The following FPGS variants were observed in gnomAD, a reference collection of about 807,000 sequenced individuals.
FPGS encodes the protein folylpolyglutamate synthase.
A neutral mutation model predicts 66.5 loss-of-function variants in FPGS; 53 were observed. That is an observed-to-expected ratio of 0.80 (90% CI 0.64 to 1.00). The LOEUF (loss-of-function observed/expected upper bound fraction) is 1.00. Ranked by LOEUF, FPGS falls within the 50% of genes least tolerant of loss-of-function variation. The probability of loss-of-function intolerance (pLI) is 0.00; values close to 1 mark genes in which losing one functional copy is unlikely to be tolerated. For synonymous variants in FPGS, 348 were observed against 350.9 expected, an observed-to-expected ratio of 0.99 and a Z score of 0.09; for missense variants, 702 against 807.7, an observed-to-expected ratio of 0.87 and a Z score of 1.59.
chr9:127,814,175 T>C, downstream of FPGS: 1 of 985,628 alleles, frequency 1.0e-6, no homozygotes, highest in Non-Finnish European at 1.2e-6. Flanking sequence ...CTGTGTGGCC[T>C]GGAACAAGTC....
chr9:127,809,910 G>C, intron 12 of FPGS, 76 bp downstream of exon 12: 1 of 994,692 alleles, frequency 1.0e-6, no homozygotes, highest in South Asian at 1.4e-5. Flanking sequence ...GGCGGGGCGG[G>C]GTCGTGGGGA....
At chr9:127,803,172 G>T (rs1363684420) in intron 1 of FPGS, 110 bp downstream of exon 1, 22 of 1,242,468 alleles carry the variant, frequency 1.8e-5, no homozygotes, top group Non-Finnish European at 2.2e-5. Flanking sequence ...GGGAGCCCTG[G>T]ACTGGGGGAC....
chr9:127,809,921 A>G (rs1829993901), intron 12 of FPGS, 87 bp downstream of exon 12: 1 of 276,034 alleles, frequency 3.6e-6, no homozygotes, highest in Non-Finnish European at 6.7e-6. Flanking sequence ...GTCGTGGGGA[A>G]GGGCGGGGGC....
chr9:127,808,473 TTGG>T (rs1829913014), intron 9 of FPGS, 82 bp from the exon 10 acceptor site: 1 of 1,575,328 alleles, frequency 6.3e-7, no homozygotes, highest in Non-Finnish European at 8.7e-7. Context: ...GGAGCAGGGC[TTGG>T]TGGCTGGGGG....
In FPGS at chr9:127,813,616, G is replaced by A. The variant is rs756975750; in HGVS notation, c.*12G>A. On this transcript the variant is annotated 3_prime_UTR_variant, in exon 15 of 15. Transcript: ENST00000373247. Reference sequence around the variant, plus strand: ...CACTGTCCCAGTAGCCAAGGCCCGGGGTTGGAGGTGGGAGCTTCCCACACC... The same window carrying A: ...CACTGTCCCAGTAGCCAAGGCCCGGAGTTGGAGGTGGGAGCTTCCCACACC... 1.3e-6 allele frequency: 2 copies of A among 1,504,732 alleles called. No homozygotes were observed. Among genetic ancestry groups the A allele is most frequent in the Non-Finnish European group, 8.9e-7 (1 of 1,125,822 alleles). The allele number at this position is 1,504,732 out of a possible 1,614,324, so 93.2% of individuals were successfully genotyped here. A position where few individuals can be genotyped will look rare whatever the true frequency, so the allele number is the denominator to read the frequency against.
At position 127,807,531 on chromosome 9, in the gene FPGS, C is replaced by T. The variant is rs556783634; in HGVS notation, c.641+49C>T. On this transcript the variant is annotated intron_variant, in intron 7 of 14. Coordinates refer to ENST00000373247, the MANE Select transcript of FPGS (RefSeq NM_004957.6). This position sits in a 1 kb window ranked among gnomAD's most constrained non-coding sequence, Gnocchi z 5.8. ...GGGGTGGCAGCCAGGAGCACAGCCT[C>T]ACCTGCCGCCTGGTGGCTCAGGGCA... 12 of 1,612,222 alleles carry T rather than the reference C, an allele frequency of 7.4e-6. No homozygotes were observed. The highest frequency in any genetic ancestry group is 9.3e-6 in the Non-Finnish European group (11 of 1,178,700).
intron 14 of FPGS, among the ~76,000 whole-genome samples, chr9:127,811,946 A>T (rs1270316173): frequency 6.6e-6 from 1 of 152,138 alleles, no homozygotes; most frequent in Non-Finnish European, 1.5e-5. Flanking sequence ...TTTACCATGT[A>T]TCATGTTAAA....
chr9:127,812,631 A>G (rs1830125473), intron 14 of FPGS, among the ~76,000 whole-genome samples: 1 of 151,952 alleles, frequency 6.6e-6, no homozygotes, highest in African/African-American at 2.4e-5. Flanking sequence ...CCTTCCAAGT[A>G]TAGCTGGGAT....
chr9:127,803,036 C>A lies in FPGS; in HGVS notation c.112C>A (p.Pro38Thr). ...ARRGLSAWPV[P>T]QEPSMEYQDA... ...GCGGGGCTTGAGCGCGTGGCCGGTG[C>A]CGCAGGAGCCGAGCATGGAGTACCA... The change falls in exon 1 of 15, where the codon CCG becomes ACG. Residue 38 changes from proline to threonine, a missense_variant. By Grantham distance (38) the Pro-to-Thr change is conservative. Coordinates refer to ENST00000373247, the MANE Select transcript of FPGS (RefSeq NM_004957.6). The A allele has an allele frequency of 1.4e-6, 2 of 1,440,588 alleles. No homozygotes were observed. Among genetic ancestry groups the A allele is most frequent in the Admixed American group, 3.0e-5 (1 of 33,768 alleles). 89.2% of individuals were successfully genotyped at this position (1,440,588 alleles called of 1,614,324 possible).
chr9:127,805,439 A>G (rs1313940574), intron 4 of FPGS, among the ~76,000 whole-genome samples: 1 of 151,986 alleles, frequency 6.6e-6, no homozygotes, highest in Non-Finnish European at 1.5e-5. Flanking sequence ...ACATAGCTGG[A>G]ATAGTCAGAT....
chr9:127,813,041 T>C (rs560687325), intron 14 of FPGS, among the ~76,000 whole-genome samples, 154 bp from the exon 15 acceptor site: 19 of 152,328 alleles, frequency 1.2e-4, no homozygotes, highest in African/African-American at 4.3e-4. Context: ...TTCTTCACTG[T>C]GTGCATGGAG....
intron 14 of FPGS, among the ~76,000 whole-genome samples, chr9:127,812,399 C>T (rs898993225): frequency 3.3e-5 from 5 of 151,244 alleles, no homozygotes; most frequent in African/African-American, 1.2e-4. Context: ...GGTGCCATCT[C>T]GGCTCATTGC....
intron 13 of FPGS, among the ~76,000 whole-genome samples, chr9:127,810,686 A>T (rs990235109): frequency 2.6e-5 from 4 of 152,144 alleles, no homozygotes; most frequent in African/African-American, 9.7e-5. Flanking sequence ...AGTGACCTTC[A>T]GCAAGTCCCC....
Position 127,813,473 on chromosome 9 carries a change from C to T in FPGS, c.1633C>T (p.Leu545Phe), listed in dbSNP as rs748988858. 3 of 1,613,010 alleles carry T rather than the reference C, an allele frequency of 1.9e-6. No homozygotes were observed. Among genetic ancestry groups the T allele is most frequent in the African/African-American group, 2.7e-5 (2 of 74,932 alleles). ...FQPPSPPKGL[L>F]THPVAHSGAS... ...GCCACCTAGTCCCCCAAAGGGCCTCCTCACCCACCCTGTGGCTCACAGTGG... is the reference window on the plus strand; with the variant it reads ...GCCACCTAGTCCCCCAAAGGGCCTCTTCACCCACCCTGTGGCTCACAGTGG... The change falls in exon 15 of 15, where the codon CTC (leucine) becomes TTC (phenylalanine). Residue 545 changes from leucine to phenylalanine, a missense_variant. By Grantham distance (22) the Leu-to-Phe change is conservative. Coordinates refer to ENST00000373247, the MANE Select transcript of FPGS (RefSeq NM_004957.6).
chr9:127,804,197 C>G (rs982914017), intron 1 of FPGS, 88 bp from the exon 2 acceptor site: 3 of 1,540,294 alleles, frequency 1.9e-6, no homozygotes, highest in African/African-American at 1.4e-5. Context: ...CCTTGTTGCC[C>G]TGGCTTGGCC....
At position 127,810,027 on chromosome 9, in the gene FPGS, G is replaced by A. The variant is rs200287234; in HGVS notation, c.1212-4G>A. Reference sequence around the variant, plus strand: ...TTTGACCCAGCTCCTCACCTCTGTCGCAGTGGCCCCGAGGTTCGAGTCTTG... The same window carrying A: ...TTTGACCCAGCTCCTCACCTCTGTCACAGTGGCCCCGAGGTTCGAGTCTTG... On this transcript the variant is annotated splice_polypyrimidine_tract_variant and splice_region_variant and intron_variant, in intron 12 of 14. Coordinates refer to ENST00000373247, the MANE Select transcript of FPGS (RefSeq NM_004957.6). 5.6e-6 allele frequency: 9 copies of A among 1,610,360 alleles called. No homozygotes were observed. The highest frequency in any genetic ancestry group is 1.1e-5 in the South Asian group (1 of 90,460).
rs1829884577 is a variant in FPGS at position 127,807,934 on chromosome 9, T to G, written c.744+246T>G. The G allele has an allele frequency of 1.8e-6, 1 of 565,988 alleles. No individual in the cohort carries two copies. Among genetic ancestry groups the G allele is most frequent in the East Asian group, 3.0e-5 (1 of 33,798 alleles). The allele number at this position is 565,988 out of a possible 1,614,324, so 35.1% of individuals were successfully genotyped here. ...CAGCCTGACCAATATGGGGAAACTCTGTCTCTACTAAAAATACAAAAATTA... is the reference window on the plus strand; with the variant it reads ...CAGCCTGACCAATATGGGGAAACTCGGTCTCTACTAAAAATACAAAAATTA... On this transcript the variant is annotated intron_variant, in intron 8 of 14. Coordinates refer to ENST00000373247, the MANE Select transcript of FPGS (RefSeq NM_004957.6). The surrounding 1 kb of genome is among the most constrained non-coding windows in gnomAD (Gnocchi z 5.8).
At position 127,813,415 on chromosome 9, in the gene FPGS, A is replaced by C. The variant is rs1165350720; in HGVS notation, c.1575A>C (p.Gln525His). The change falls in exon 15 of 15, where the codon CAA (glutamine) becomes CAC (histidine). Residue 525 changes from glutamine (Q) to histidine (H), a missense_variant. Physicochemically the swap from Gln to His is conservative, Grantham distance 24 (BLOSUM62 0). Transcript: ENST00000373247. ...TCAGCTGCATTTCACATGCCTTGCA[A>C]TGGATCAGCCAAGGCCGAGACCCCA... ...LVFSCISHAL[Q>H]WISQGRDPIF... 6.2e-7 allele frequency: 1 copy of C among 1,610,322 alleles called. No individual in the cohort carries two copies. Among genetic ancestry groups the C allele is most frequent in the South Asian group, 1.1e-5 (1 of 90,704 alleles).
chr9:127,809,609 C>G, intron 11 of FPGS, 75 bp from the exon 12 acceptor site: 1 of 1,432,926 alleles, frequency 7.0e-7, no homozygotes, highest in Non-Finnish European at 9.3e-7. Flanking sequence ...GGAGAACGGG[C>G]TCAGGAGTGT....
Sources: gnomAD v4.1 joint callset for allele counts (sites outside exome capture counted in the v4.1 genomes callset) on GRCh38, gnomAD v4.1.1 for gene constraint, Gnocchi (gnomAD v3.1) non-coding constraint, MANE v1.5 for transcripts, NCBI Gene and HGNC (gene_info 2026-07-23, HGNC 2026-07-21) for gene names.